Variants in MGLL observed in about 807,000 individuals in gnomAD.
MGLL encodes the protein lysophospholipase homolog.
Under a neutral mutation model 29.1 loss-of-function variants are expected in MGLL, and 7 were observed. The observed-to-expected ratio is 0.24, with a 90% CI of 0.14 to 0.45. MGLL has a LOEUF of 0.45. Among genes scored for constraint, MGLL ranks in the 20% least tolerant of loss-of-function variants. The pLI, the probability that MGLL is intolerant of heterozygous loss-of-function variation, is 0.99. For missense variants in MGLL, 356 were observed against 413.6 expected, an observed-to-expected ratio of 0.86 and a Z score of 1.21; for synonymous variants, 148 against 168.3, an observed-to-expected ratio of 0.88 and a Z score of 0.93.
At chr3:127,694,307 ATGTATGTGTG>A (rs2075309253) in intron 7 of MGLL, among the ~76,000 whole-genome samples, 1 of 123,802 alleles carries the variant, frequency 8.1e-6, no homozygotes, top group Non-Finnish European at 1.7e-5. Context: ...ATATATATAT[ATGTATGTGTG>A]TATATATATA....
intron 4 of MGLL, among the ~76,000 whole-genome samples, chr3:127,721,965 T>C (rs1323639878): frequency 1.3e-5 from 2 of 152,220 alleles, no homozygotes; most frequent in Non-Finnish European, 2.9e-5. Context: ...TCAATTTACA[T>C]ATTTAAAAGG....
chr3:127,733,676 T>C (rs564702673), intron 3 of MGLL, among the ~76,000 whole-genome samples: 2 of 152,276 alleles, frequency 1.3e-5, no homozygotes, highest in South Asian at 2.1e-4. Context: ...AAGAGGGATG[T>C]TTGCATTTTT....
intron 2 of MGLL, among the ~76,000 whole-genome samples, chr3:127,794,361 A>T (rs1047413279): frequency 6.6e-6 from 1 of 152,180 alleles, no homozygotes; most frequent in African/African-American, 2.4e-5. Context: ...AGGAGAAAAA[A>T]AAAAACTGTC....
At chr3:127,724,568 G>T (rs1441738285) in intron 3 of MGLL, among the ~76,000 whole-genome samples, 1 of 152,116 alleles carries the variant, frequency 6.6e-6, no homozygotes, top group Non-Finnish European at 1.5e-5. Context: ...AATTCTTTGG[G>T]GTATATACCC....
chr3:127,763,048 G>A (rs966575836), intron 3 of MGLL, among the ~76,000 whole-genome samples: 5 of 152,166 alleles, frequency 3.3e-5, no homozygotes, highest in Non-Finnish European at 5.9e-5. Flanking sequence ...CTCTGATTGG[G>A]GAAAGATGTG....
intron 3 of MGLL, among the ~76,000 whole-genome samples, chr3:127,745,459 C>T (rs866287148): frequency 2.6e-5 from 4 of 152,120 alleles, no homozygotes; most frequent in East Asian, 1.9e-4. Context: ...GAAAGTCAAA[C>T]GCCGAATGTC....
Position 127,771,279 on chromosome 3 carries a change from C to T in MGLL, c.262+10510G>A, listed in dbSNP as rs143976802. On this transcript the variant is annotated intron_variant, in intron 3 of 7. Transcript: ENST00000265052. Reference sequence around the variant, plus strand: ...CTCACCGTGAGCTTCGTGGACCCAGCGACCATCCTCCCTCTGGTCCTGCTC... The same window carrying T: ...CTCACCGTGAGCTTCGTGGACCCAGTGACCATCCTCCCTCTGGTCCTGCTC... 2.5e-3 allele frequency among the ~76,000 whole-genome samples: 386 copies of T among 152,302 alleles called. 2 individuals carry two copies. Among genetic ancestry groups the T allele is most frequent in the African/African-American group, 8.6e-3 (358 of 41,562 alleles).
chr3:127,798,404 C>T (rs188461753), intron 2 of MGLL, among the ~76,000 whole-genome samples: 41 of 152,242 alleles, frequency 2.7e-4, no homozygotes, highest in African/African-American at 9.1e-4. Context: ...CCTGGGGCTC[C>T]GAAGTACCCT....
intron 3 of MGLL, among the ~76,000 whole-genome samples, chr3:127,743,113 C>T (rs897499777): frequency 2.0e-5 from 3 of 152,346 alleles, no homozygotes; most frequent in Admixed American, 1.3e-4. Context: ...CCGCACCCAG[C>T]CTGTTTGAGC....
At chr3:127,775,815 C>A (rs4311178) in intron 3 of MGLL, among the ~76,000 whole-genome samples, 1 of 152,158 alleles carries the variant, frequency 6.6e-6, no homozygotes, top group Non-Finnish European at 1.5e-5. Flanking sequence ...AGCAGGCCTG[C>A]GGGCAAATGG....
intron 3 of MGLL, among the ~76,000 whole-genome samples, chr3:127,762,921 G>T (rs956599140): frequency 2.0e-5 from 3 of 152,172 alleles, no homozygotes; most frequent in Admixed American, 6.5e-5. Flanking sequence ...CCAGGTCTGT[G>T]TTTGTGCCCT....
At chr3:127,715,277 G>T (rs1559917470) in intron 5 of MGLL, among the ~76,000 whole-genome samples, 1 of 152,190 alleles carries the variant, frequency 6.6e-6, no homozygotes, top group Non-Finnish European at 1.5e-5. Context: ...CGTCCCTGCA[G>T]GGCAAGCTGC....
intron 3 of MGLL, among the ~76,000 whole-genome samples, chr3:127,745,557 T>C (rs896223661): frequency 6.6e-6 from 1 of 151,904 alleles, no homozygotes; most frequent in Admixed American, 6.6e-5. Context: ...GGATGGGGGA[T>C]GGGGGATTGA....
upstream of MGLL, chr3:127,822,676 C>T (rs2077885115): frequency 3.2e-6 from 1 of 311,670 alleles, no homozygotes. Context: ...ACCTCGCAGA[C>T]GCACAAATGC....
At chr3:127,694,846 A>G in intron 7 of MGLL, 129 bp downstream of exon 7, 2 of 804,154 alleles carry the variant, frequency 2.5e-6, no homozygotes, top group Non-Finnish European at 4.2e-6. Flanking sequence ...TTCTCGGTCA[A>G]GCAGGCTGGT....
intron 3 of MGLL, among the ~76,000 whole-genome samples, chr3:127,769,567 G>T (rs929602221): frequency 2.0e-5 from 3 of 152,194 alleles, no homozygotes; most frequent in African/African-American, 4.8e-5. Flanking sequence ...AGGCTGGTGA[G>T]GGGGAGGCTG....
Position 127,822,347 on chromosome 3 carries a change from A to T in MGLL, c.-29T>A. 7 of 1,613,424 alleles carry T rather than the reference A, an allele frequency of 4.3e-6. No individual in the cohort carries two copies. Among genetic ancestry groups the T allele is most frequent in the Non-Finnish European group, 5.9e-6 (7 of 1,179,426 alleles). Reference sequence around the variant, plus strand: ...GTGCTGGCGTTTGCATTCCACAACCACGACAGCCTGGAGAATCAGAACCAG... The same window carrying T: ...GTGCTGGCGTTTGCATTCCACAACCTCGACAGCCTGGAGAATCAGAACCAG... On this transcript the variant is annotated 5_prime_UTR_variant, in exon 1 of 8. Coordinates refer to ENST00000265052, the MANE Select transcript of MGLL (RefSeq NM_007283.7).
chr3:127,804,943 T>C (rs1343649218), intron 2 of MGLL, among the ~76,000 whole-genome samples: 2 of 151,960 alleles, frequency 1.3e-5, no homozygotes, highest in Non-Finnish European at 2.9e-5. Context: ...CCTCACAGAG[T>C]CCATGGGGGT....
Position 127,692,177 on chromosome 3 carries a change from G to A in MGLL, c.*21C>T, listed in dbSNP as rs11538699. 12 of 1,588,668 alleles carry A rather than the reference G, an allele frequency of 7.6e-6. No homozygotes were observed. In the African/African-American group the frequency reaches 1.3e-4, roughly 17 times the overall value. On this transcript the variant is annotated 3_prime_UTR_variant, in exon 8 of 8. Transcript: ENST00000265052. Reference sequence around the variant, plus strand: ...CCTGCCTGCATCCCCCAGACCATGAGCCGGGCACCGGCCAATGCATTCAGG... The same window carrying A: ...CCTGCCTGCATCCCCCAGACCATGAACCGGGCACCGGCCAATGCATTCAGG...
Sources: gnomAD v4.1 joint callset for allele counts (sites outside exome capture counted in the v4.1 genomes callset) on GRCh38, gnomAD v4.1.1 for gene constraint, MANE v1.5 for transcripts, NCBI Gene and HGNC (gene_info 2026-07-23, HGNC 2026-07-21) for gene names.